EYA3: variants seen among roughly 807,000 people sequenced by gnomAD.
The protein encoded by EYA3 is EYA transcriptional coactivator and phosphatase 3, also known as protein phosphatase EYA3.
A neutral mutation model predicts 80.0 loss-of-function variants in EYA3; 39 were observed. That is an observed-to-expected ratio of 0.49 (90% CI 0.38 to 0.64). The LOEUF (loss-of-function observed/expected upper bound fraction) is 0.64, where lower values mean the gene tolerates loss of function less well. Ranked by LOEUF, EYA3 falls within the 30% of genes least tolerant of loss-of-function variation. The pLI, the probability that EYA3 is intolerant of heterozygous loss-of-function variation, is 0.00. For synonymous variants in EYA3, 206 were observed against 232.8 expected (o/e 0.88, Z 1.05); for missense variants, 523 against 676.1 (o/e 0.77, Z 2.51).
At chr1:28,017,671 G>A (rs772253673) in intron 7 of EYA3, among the ~76,000 whole-genome samples, 52 of 152,196 alleles carry the variant, frequency 3.4e-4, no homozygotes, top group Middle Eastern at 6.8e-3. Context: ...CCCAAGTTAC[G>A]CCTTTCCTAA....
At chr1:28,023,715 C>A (rs1046432848) in intron 7 of EYA3, among the ~76,000 whole-genome samples, 8 of 152,138 alleles carry the variant, frequency 5.3e-5, no homozygotes, top group African/African-American at 1.9e-4. Context: ...AATTTGGTAT[C>A]CTGGATGGAA....
intron 1 of EYA3, among the ~76,000 whole-genome samples, chr1:28,068,133 C>T (rs557835950): frequency 1.1e-4 from 16 of 151,880 alleles, no homozygotes; most frequent in African/African-American, 2.4e-4. Context: ...GTCAGGAGTT[C>T]GAGACCAGCC....
chr1:28,062,247 G>A (rs996440145), intron 1 of EYA3, among the ~76,000 whole-genome samples: 1 of 152,112 alleles, frequency 6.6e-6, no homozygotes, highest in Non-Finnish European at 1.5e-5. Flanking sequence ...TTCATGGACA[G>A]AATTCTGAGA....
At chr1:28,070,204 T>C (rs1054583741) in intron 1 of EYA3, among the ~76,000 whole-genome samples, 2 of 152,208 alleles carry the variant, frequency 1.3e-5, no homozygotes, top group Non-Finnish European at 2.9e-5. Flanking sequence ...TTTGGGCTTG[T>C]TGACCATCTC....
At chr1:28,081,250 G>GC (rs1645417979) in intron 1 of EYA3, among the ~76,000 whole-genome samples, 1 of 152,020 alleles carries the variant, frequency 6.6e-6, no homozygotes, top group Non-Finnish European at 1.5e-5. Context: ...CCTATTAAAT[G>GC]CCCCACTAAA....
chr1:28,015,810 G>T (rs1642018199), intron 8 of EYA3, among the ~76,000 whole-genome samples: 1 of 152,140 alleles, frequency 6.6e-6, no homozygotes, highest in Non-Finnish European at 1.5e-5. Flanking sequence ...AATAATGGAA[G>T]ATATCTGGTC....
At chr1:28,088,256 A>G (rs1450355399) in intron 1 of EYA3, among the ~76,000 whole-genome samples, 1 of 152,186 alleles carries the variant, frequency 6.6e-6, no homozygotes, top group Non-Finnish European at 1.5e-5. Flanking sequence ...CTGAGGCGTA[A>G]GGCAAGAAAC....
At chr1:28,000,096 C>G in intron 11 of EYA3, 47 bp from the exon 12 acceptor site, 1 of 1,392,332 alleles carries the variant, frequency 7.2e-7, no homozygotes, top group Non-Finnish European at 1.0e-6. Flanking sequence ...AGTCACAGTC[C>G]TGGTTCTAAT....
intron 1 of EYA3, among the ~76,000 whole-genome samples, chr1:28,062,064 A>C (rs1423681572): frequency 6.6e-6 from 1 of 152,198 alleles, no homozygotes; most frequent in Non-Finnish European, 1.5e-5. Context: ...AACTTAGTCA[A>C]ACAGCTGATG....
At chr1:27,996,120 G>C (rs577408460) in intron 13 of EYA3, among the ~76,000 whole-genome samples, 3 of 152,166 alleles carry the variant, frequency 2.0e-5, no homozygotes, top group Non-Finnish European at 4.4e-5. Context: ...TGATTGGCCC[G>C]CACTGGCCTC....
chr1:28,000,560 C>T (rs922626934), intron 11 of EYA3, among the ~76,000 whole-genome samples: 15 of 152,190 alleles, frequency 9.9e-5, no homozygotes, highest in South Asian at 4.2e-4. Flanking sequence ...GATCCACCCC[C>T]GTCGGCCTCC....
chr1:28,041,426 G>A (rs531663256), intron 4 of EYA3, among the ~76,000 whole-genome samples: 7 of 152,060 alleles, frequency 4.6e-5, no homozygotes, highest in South Asian at 2.1e-4. Flanking sequence ...GGTGGCATGC[G>A]CCTGTAATCC....
intron 3 of EYA3, among the ~76,000 whole-genome samples, chr1:28,043,011 A>C (rs1487415173): frequency 6.6e-6 from 1 of 151,916 alleles, no homozygotes; most frequent in African/African-American, 2.4e-5. Context: ...TGCCCAGCTA[A>C]TTTTTGTATT....
At chr1:28,069,560 AAAAAG>A (rs1194865990) in intron 1 of EYA3, among the ~76,000 whole-genome samples, 1 of 151,308 alleles carries the variant, frequency 6.6e-6, no homozygotes, top group East Asian at 1.9e-4. Context: ...AAAAAAAAAA[AAAAAG>A]AGAGAGAAGA....
intron 1 of EYA3, among the ~76,000 whole-genome samples, chr1:28,074,154 T>C (rs571425038): frequency 2.6e-5 from 4 of 152,190 alleles, no homozygotes; most frequent in Admixed American, 6.5e-5. Context: ...TTCCATTACA[T>C]AGATAACTTA....
intron 3 of EYA3, among the ~76,000 whole-genome samples, chr1:28,046,685 T>C (rs1644016769): frequency 6.6e-6 from 1 of 152,198 alleles, no homozygotes; most frequent in Admixed American, 6.5e-5. Context: ...TCTCTCACGA[T>C]GTACAAGTGA....
At chr1:28,015,076 T>C (rs1441083243) in intron 8 of EYA3, among the ~76,000 whole-genome samples, 5 of 152,214 alleles carry the variant, frequency 3.3e-5, no homozygotes, top group Non-Finnish European at 2.9e-5. Context: ...TAAGTCACAC[T>C]AGCAGAACTC....
At position 28,048,399 on chromosome 1, in the gene EYA3, C is replaced by T; in HGVS notation, c.61G>A (p.Gly21Arg). 4 of 1,611,836 alleles carry T rather than the reference C, an allele frequency of 2.5e-6. No individual in the cohort carries two copies. The highest frequency in any genetic ancestry group is 3.4e-6 in the Non-Finnish European group (4 of 1,178,872). The change falls in exon 3 of 18, where the codon GGA becomes AGA. Residue 21 changes from glycine to arginine, a missense_variant. Transcript: ENST00000373871. Reference sequence around the variant, plus strand: ...TTTACATACCTTATAGTTTGCTCTCCTGATTCCTGCATCTTGGCTTTTTTC... The same window carrying T: ...TTTACATACCTTATAGTTTGCTCTCTTGATTCCTGCATCTTGGCTTTTTTC... ...PVKKAKMQES[G>R]EQTISQVSNP...
chr1:28,052,295 C>A (rs1281073946), intron 2 of EYA3, among the ~76,000 whole-genome samples: 5 of 152,090 alleles, frequency 3.3e-5, no homozygotes, highest in African/African-American at 1.2e-4. Flanking sequence ...TGAGCCACTG[C>A]GCCCAGCCCC....
Sources: gnomAD v4.1 joint callset for allele counts (sites outside exome capture counted in the v4.1 genomes callset) on GRCh38, gnomAD v4.1.1 for gene constraint, MANE v1.5 for transcripts, NCBI Gene and HGNC (gene_info 2026-07-23, HGNC 2026-07-21) for gene names.